LHCGR: variants seen among roughly 807,000 people sequenced by gnomAD.
LHCGR encodes the protein lutropin-choriogonadotropic hormone receptor.
In LHCGR, 55 loss-of-function variants were observed where a neutral mutation model predicts 60.7. The ratio of observed to expected loss-of-function variants is 0.91; its 90% CI spans 0.73 to 1.13. The LOEUF (loss-of-function observed/expected upper bound fraction) is 1.13, where lower values mean the gene tolerates loss of function less well. Among genes scored for constraint, LHCGR ranks in the 50% most tolerant of loss-of-function variants. The pLI is 0.00. For missense variants in LHCGR, 862 were observed against 836.0 expected (o/e 1.03, Z -0.38); for synonymous variants, 337 against 316.5 (o/e 1.06, Z -0.69).
At chr2:48,738,264 G>A (rs1417461090) in intron 1 of LHCGR, among the ~76,000 whole-genome samples, 1 of 151,934 alleles carries the variant, frequency 6.6e-6, no homozygotes, top group Non-Finnish European at 1.5e-5. Context: ...GAATTTACCA[G>A]ATGCCATGCG....
chr2:48,726,573 T>C (rs1033061803), intron 3 of LHCGR, among the ~76,000 whole-genome samples: 2 of 152,214 alleles, frequency 1.3e-5, no homozygotes, highest in Non-Finnish European at 2.9e-5. Flanking sequence ...TACTTTGTAT[T>C]AAATAAAAGG....
chr2:48,722,034 C>A (rs1668520534), intron 6 of LHCGR, among the ~76,000 whole-genome samples: 1 of 152,210 alleles, frequency 6.6e-6, no homozygotes, highest in Non-Finnish European at 1.5e-5. Flanking sequence ...CCTGTAGTCC[C>A]AGCTACTCAG....
Position 48,688,624 on chromosome 2 carries a change from A to C in LHCGR, c.1173T>G (p.Leu391=). The change falls in exon 11 of 11, where the codon CTT becomes CTG. Residue 391 remains leucine, a synonymous_variant. Coordinates refer to ENST00000294954, the MANE Select transcript of LHCGR (RefSeq NM_000233.4). This position sits in a 1 kb window ranked among gnomAD's most constrained non-coding sequence, Gnocchi z 5.2. ...LFVLLTSRYK[L]TVPRFLMCNL... is the part of the protein sequence containing the mutation. The stretch of plus-strand genomic sequence containing the variant: ...TGCACATGAGAAAACGAGGCACTGT[A>C]AGTTTGTAACGACTTGTCAGGAGAA... The C allele has an allele frequency of 3.1e-6, 5 of 1,614,210 alleles. No individual in the cohort carries two copies. The highest frequency in any genetic ancestry group is 4.2e-6 in the Non-Finnish European group (5 of 1,180,034).
In LHCGR at chr2:48,686,994, C is replaced by G. The variant is rs1679924731; in HGVS notation, c.*703G>C. The G allele has an allele frequency of 6.6e-6, 1 of 152,150 alleles. No individual in the cohort carries two copies. Among genetic ancestry groups the G allele is most frequent in the Non-Finnish European group, 1.5e-5 (1 of 68,038 alleles). The allele number at this position is 152,150 out of a possible 1,614,324, so 9.4% of individuals were successfully genotyped here. On this transcript the variant is annotated 3_prime_UTR_variant, in exon 11 of 11. Coordinates refer to ENST00000294954, the MANE Select transcript of LHCGR (RefSeq NM_000233.4). ...TTACAGTCTACAGCTTAATGTTTCA[C>G]TAAGCAAATAGGCTGAAATGTGCTT...
At chr2:48,733,691 G>A (rs1159136509) in intron 1 of LHCGR, among the ~76,000 whole-genome samples, 1 of 152,142 alleles carries the variant, frequency 6.6e-6, no homozygotes, top group African/African-American at 2.4e-5. Context: ...TTTCACAACA[G>A]ATGTGTTCCC....
intron 1 of LHCGR, among the ~76,000 whole-genome samples, chr2:48,738,424 T>C (rs928931609): frequency 1.3e-5 from 2 of 152,186 alleles, no homozygotes; most frequent in Non-Finnish European, 2.9e-5. Context: ...AGTCCCCTAA[T>C]TGGTTTCCTG....
At chr2:48,744,817 A>G (rs1186585727) in intron 1 of LHCGR, among the ~76,000 whole-genome samples, 1 of 151,772 alleles carries the variant, frequency 6.6e-6, no homozygotes, top group Non-Finnish European at 1.5e-5. Flanking sequence ...ACCAAAAGCA[A>G]TGGCAACAAA....
At chr2:48,744,427 C>G (rs1208643358) in intron 1 of LHCGR, among the ~76,000 whole-genome samples, 25 of 87,564 alleles carry the variant, frequency 2.9e-4, no homozygotes, top group Middle Eastern at 4.3e-3. Flanking sequence ...AGGCATCACA[C>G]TACCTGACTT....
intron 1 of LHCGR, among the ~76,000 whole-genome samples, chr2:48,740,734 G>A (rs976238285): frequency 4.6e-5 from 7 of 152,114 alleles, no homozygotes; most frequent in Non-Finnish European, 8.8e-5. Context: ...AAACCACAAA[G>A]ATGGGGAAAA....
intron 8 of LHCGR, among the ~76,000 whole-genome samples, chr2:48,702,277 TA>T (rs1256327585): frequency 4.7e-5 from 7 of 149,546 alleles, no homozygotes; most frequent in Admixed American, 1.3e-4. Flanking sequence ...TTTTTTTTTT[TA>T]AATACTTTAA....
At chr2:48,729,048 C>G (rs776132127) in intron 3 of LHCGR, 105 bp downstream of exon 3, 72 of 935,710 alleles carry the variant, frequency 7.7e-5, no homozygotes, top group Non-Finnish European at 1.2e-4. Context: ...TAGTCTTTTC[C>G]TTTTGGATTC....
rs1480099434 is a variant in LHCGR, at chr2:48,688,846, A to G, written c.951T>C (p.Tyr317=). The change falls in exon 11 of 11, where the codon TAT becomes TAC. Residue 317 remains tyrosine, a synonymous_variant. Transcript: ENST00000294954. The surrounding 1 kb of genome is among the most constrained non-coding windows in gnomAD (Gnocchi z 5.2). Reference sequence around the variant, plus strand: ...GTTCACTCTCAGCAAGCATGGAAGAATAACTGTAAGAAGAATTATTGGCTT... The same window carrying G: ...GTTCACTCTCAGCAAGCATGGAAGAGTAACTGTAAGAAGAATTATTGGCTT... ...TVRKVNNKTL[Y]SSMLAESELS... 6.2e-7 allele frequency: 1 copy of G among 1,613,898 alleles called. No homozygotes were observed. Among genetic ancestry groups the G allele is most frequent in the Non-Finnish European group, 8.5e-7 (1 of 1,179,920 alleles).
At chr2:48,715,101 C>T (rs1287145042) in intron 6 of LHCGR, among the ~76,000 whole-genome samples, 1 of 152,086 alleles carries the variant, frequency 6.6e-6, no homozygotes, top group African/African-American at 2.4e-5. Flanking sequence ...ACTGGCTGCC[C>T]TATTTAAAAC....
chr2:48,689,946 C>T (rs1291231299), intron 10 of LHCGR, among the ~76,000 whole-genome samples: 2 of 152,158 alleles, frequency 1.3e-5, no homozygotes, highest in Non-Finnish European at 2.9e-5. Flanking sequence ...CATCTCCTGA[C>T]CTCGTGATCT....
At chr2:48,716,341 T>C (rs541938115) in intron 6 of LHCGR, among the ~76,000 whole-genome samples, 2 of 152,346 alleles carry the variant, frequency 1.3e-5, no homozygotes, top group East Asian at 3.9e-4. Flanking sequence ...TCATCTTACA[T>C]ATTCTCATTT....
intron 10 of LHCGR, among the ~76,000 whole-genome samples, chr2:48,690,100 T>C (rs1044334844): frequency 6.6e-6 from 1 of 152,242 alleles, no homozygotes; most frequent in African/African-American, 2.4e-5. Flanking sequence ...CCATTCTGTA[T>C]GTTCCTTCTA....
chr2:48,688,044 T>G lies in LHCGR; in HGVS notation c.1753A>C (p.Ile585Leu). ...IFTDFTCMAP[I>L]SFFAISAAFK... ...GCAGCTGAGATGGCAAAAAAAGAGATAGGTGCCATGCAGGTGAAATCGGTG... is the reference window on the plus strand; with the variant it reads ...GCAGCTGAGATGGCAAAAAAAGAGAGAGGTGCCATGCAGGTGAAATCGGTG... The change falls in exon 11 of 11, where the codon ATC becomes CTC. Residue 585 changes from isoleucine (I) to leucine (L), a missense_variant. Transcript: ENST00000294954. The surrounding 1 kb of genome is among the most constrained non-coding windows in gnomAD (Gnocchi z 5.2). The G allele has an allele frequency of 6.2e-7, 1 of 1,614,096 alleles. No individual in the cohort carries two copies. Among genetic ancestry groups the G allele is most frequent in the Non-Finnish European group, 8.5e-7 (1 of 1,179,970 alleles).
chr2:48,693,801 G>A (rs1204130624), intron 10 of LHCGR, among the ~76,000 whole-genome samples: 1 of 152,160 alleles, frequency 6.6e-6, no homozygotes, highest in Non-Finnish European at 1.5e-5. Context: ...CATAGTTGTC[G>A]AGGTAGCCTA....
At chr2:48,713,829 C>A (rs2104431034) in intron 7 of LHCGR, among the ~76,000 whole-genome samples, 157 bp downstream of exon 7, 1 of 152,264 alleles carries the variant, frequency 6.6e-6, no homozygotes, top group East Asian at 1.9e-4. Context: ...GGGTTTCTAG[C>A]CAGCCAGTTG....
Sources: allele counts gnomAD v4.1 joint callset (sites outside exome capture counted in the v4.1 genomes callset), GRCh38; gene constraint gnomAD v4.1.1; non-coding constraint Gnocchi (gnomAD v3.1); transcripts MANE v1.5; gene names NCBI Gene and HGNC (gene_info 2026-07-23, HGNC 2026-07-21).